The following DGKZ variants were observed in gnomAD, a reference collection of about 807,000 sequenced individuals.
DGKZ encodes the protein DAG kinase zeta.
In DGKZ, 45 loss-of-function variants were observed where a neutral mutation model predicts 142.5. That is an observed-to-expected ratio of 0.32 (90% confidence interval 0.25 to 0.40). The LOEUF (loss-of-function observed/expected upper bound fraction) is 0.40, where lower values mean the gene tolerates loss of function less well. DGKZ is among the 10% of genes least tolerant of loss of function. The pLI, the probability that DGKZ is intolerant of heterozygous loss-of-function variation, is 1.00. For synonymous variants in DGKZ, 442 were observed against 527.0 expected, an observed-to-expected ratio of 0.84 and a Z score of 2.21; for missense variants, 755 against 1,306.5, an observed-to-expected ratio of 0.58 and a Z score of 6.51.
intron 1 of DGKZ, among the ~76,000 whole-genome samples, chr11:46,334,169 G>A (rs1361463984): frequency 6.6e-6 from 1 of 152,210 alleles, no homozygotes; most frequent in Non-Finnish European, 1.5e-5. Flanking sequence ...GTGACCTGGG[G>A]TAGGACGTTA....
chr11:46,366,663 C>A, intron 1 of DGKZ: 1 of 1,593,506 alleles, frequency 6.3e-7, no homozygotes, highest in Non-Finnish European at 8.5e-7. Context: ...GCCATCCAGC[C>A]AGGCACCAAG....
rs1440862097 is a variant in DGKZ, at chr11:46,336,190, G to C, written c.212+2703G>C. On this transcript the variant is annotated intron_variant, in intron 1 of 30. Coordinates refer to the DGKZ transcript ENST00000343674. ...GGCAGGACACTAGAAGCTTAGAGGG[G>C]TGTGGGGCTTTCTCAGAAATAGGTT... 2.0e-5 allele frequency among the ~76,000 whole-genome samples: 3 copies of C among 152,180 alleles called. No homozygotes were observed. The South Asian group carries it at 6.2e-4, about 31-fold the overall frequency.
chr11:46,350,467 C>T (rs1460427380), intron 1 of DGKZ, among the ~76,000 whole-genome samples: 1 of 152,198 alleles, frequency 6.6e-6, no homozygotes, highest in African/African-American at 2.4e-5. Context: ...TTGCTTCTCC[C>T]CAGTCATCCA....
chr11:46,364,301 G>A, intron 1 of DGKZ: 1 of 1,178,206 alleles, frequency 8.5e-7, no homozygotes, highest in Non-Finnish European at 1.1e-6. Flanking sequence ...CCTATTCCTT[G>A]GGGTTGCAGT....
rs534292782 is a variant in DGKZ, at chr11:46,357,377, G to A, written c.161+9557G>A. 2.0e-5 allele frequency among the ~76,000 whole-genome samples: 3 copies of A among 152,304 alleles called. No homozygotes were observed. The East Asian group carries it at 5.8e-4, about 29-fold the overall frequency. ...GCGATAGCATCCAGCCCAGAAAGGG[G>A]CCTCCAGGTGTCACTCTTGGGGTCC... On this transcript the variant is annotated intron_variant, in intron 1 of 30. Transcript: ENST00000527911.
At chr11:46,338,355 G>C (rs181474943) in intron 1 of DGKZ, among the ~76,000 whole-genome samples, 2 of 151,866 alleles carry the variant, frequency 1.3e-5, no homozygotes, top group Admixed American at 6.6e-5. Context: ...AATTAGCCAG[G>C]CGTGATGGTG....
intron 9 of DGKZ, 128 bp from the exon 10 acceptor site, chr11:46,371,947 A>G: frequency 8.1e-7 from 1 of 1,232,538 alleles, no homozygotes; most frequent in Non-Finnish European, 1.2e-6. Flanking sequence ...GTGGCCTGGT[A>G]AGATCTGGCC....
intron 1 of DGKZ, chr11:46,364,516 T>C: frequency 8.2e-7 from 1 of 1,214,280 alleles, no homozygotes; most frequent in Non-Finnish European, 1.0e-6. Flanking sequence ...AGCACTGCCC[T>C]GACCTCCCTG....
upstream of DGKZ, among the ~76,000 whole-genome samples, chr11:46,347,039 T>C (rs943693209): frequency 1.3e-5 from 2 of 152,100 alleles, no homozygotes; most frequent in Admixed American, 1.3e-4. The surrounding 1 kb of genome is among the most constrained non-coding windows in gnomAD (Gnocchi z 6.4). Context: ...TTCCCCTGGG[T>C]GCGATTTGGG....
chr11:46,373,062 G>T (rs1198492403), exon 14 of DGKZ: 18 of 1,543,982 alleles, frequency 1.2e-5, no homozygotes, highest in Non-Finnish European at 1.4e-5. Context: ...CCAACCCCGA[G>T]GCAGGGCCTG....
At chr11:46,373,193 C>T (rs1352123530) in intron 14 of DGKZ, 92 bp downstream of exon 14, 1 of 1,374,082 alleles carries the variant, frequency 7.3e-7, no homozygotes, top group African/African-American at 1.5e-5. Context: ...TCGGGCGTGT[C>T]TCTTCATTTC....
At chr11:46,375,597 G>A (rs1944437468) in exon 20 of DGKZ, 1 of 1,586,056 alleles carries the variant, frequency 6.3e-7, no homozygotes, top group African/African-American at 1.3e-5. Flanking sequence ...GGTGCAGAAG[G>A]CCAAGCGGCG....
At chr11:46,333,127 C>T (rs907694661) in exon 1 of DGKZ, 1 of 605,134 alleles carries the variant, frequency 1.7e-6, no homozygotes. Context: ...CTGCTCCTGT[C>T]GTCTAAGCGT....
chr11:46,372,326 C>A lies in DGKZ; in HGVS notation c.928-102C>A. ...ATCCTGTCCTTTCTCCACCCCTCAC[C>A]CCTTATTGGCCCTGGTTCCCACAGT... On this transcript the variant is annotated intron_variant, in intron 10 of 30. Coordinates refer to ENST00000527911, the Ensembl canonical transcript of DGKZ. This position sits in a 1 kb window ranked among gnomAD's most constrained non-coding sequence, Gnocchi z 5.9. 7.2e-7 allele frequency: 1 copy of A among 1,386,920 alleles called. No homozygotes were observed. 85.9% of individuals were successfully genotyped at this position (1,386,920 alleles called of 1,614,324 possible). A position where few individuals can be genotyped will look rare whatever the true frequency, so the allele number is the denominator to read the frequency against.
intron 4 of DGKZ, 45 bp downstream of exon 4, chr11:46,368,124 T>C (rs1943531987): frequency 1.3e-6 from 2 of 1,597,336 alleles, no homozygotes; most frequent in East Asian, 4.5e-5. Flanking sequence ...CTTTGGGTGC[T>C]GAGGCCCTTT....
At chr11:46,377,920 A>C in intron 25 of DGKZ, 1 of 518,950 alleles carries the variant, frequency 1.9e-6, no homozygotes. Context: ...CAGGGGTGCC[A>C]CATCACCTGT....
intron 1 of DGKZ, among the ~76,000 whole-genome samples, chr11:46,353,269 TCTC>T (rs1192060397): frequency 1.4e-4 from 22 of 152,194 alleles, no homozygotes; most frequent in Non-Finnish European, 2.6e-4. Context: ...CCAATGATCT[TCTC>T]ATGACATTGG....
At chr11:46,369,696 C>G in intron 5 of DGKZ, 146 bp downstream of exon 5, 1 of 1,135,036 alleles carries the variant, frequency 8.8e-7, no homozygotes, top group Non-Finnish European at 1.3e-6. Context: ...CATGCGGAGG[C>G]CTAACTAGCG....
At position 46,374,846 on chromosome 11, in the gene DGKZ, A is replaced by AG. The variant is rs1467216580; in HGVS notation, c.1598+12dup. On this transcript the variant is annotated splice_region_variant and intron_variant, in intron 18 of 30. Coordinates refer to ENST00000527911, the Ensembl canonical transcript of DGKZ. ...TTTTCCTGAACATCCCCAGGTGAGG[A>AG]GGGGGCTACCGGAGCTGGGGGGAGC... 1.9e-6 allele frequency: 3 copies of AG among 1,587,732 alleles called. No individual in the cohort carries two copies. The highest frequency in any genetic ancestry group is 2.6e-6 in the Non-Finnish European group (3 of 1,163,048).
Sources: gnomAD v4.1 joint callset for allele counts (sites outside exome capture counted in the v4.1 genomes callset) on GRCh38, gnomAD v4.1.1 for gene constraint, Gnocchi (gnomAD v3.1) non-coding constraint, MANE v1.5 for transcripts, NCBI Gene and HGNC (gene_info 2026-07-23, HGNC 2026-07-21) for gene names.